The following CDK6 variants were observed in gnomAD, a reference collection of about 807,000 sequenced individuals.
The protein encoded by CDK6 is cyclin dependent kinase 6, also known as cyclin-dependent kinase 6.
CDK6 carries 6 observed loss-of-function variants against 37.1 expected under a neutral mutation model. The observed-to-expected ratio is 0.16, with a 90% confidence interval of 0.09 to 0.32. The LOEUF is 0.32. Ranked by LOEUF, CDK6 falls within the 10% of genes least tolerant of loss-of-function variation. The pLI is 1.00. For missense variants in CDK6, 224 were observed against 418.9 expected, an observed-to-expected ratio of 0.53 and a Z score of 4.06; for synonymous variants, 160 against 161.3, an observed-to-expected ratio of 0.99 and a Z score of 0.06.
intron 3 of CDK6, among the ~76,000 whole-genome samples, chr7:92,773,283 G>C (rs1011258988): frequency 1.3e-5 from 2 of 152,318 alleles, no homozygotes; most frequent in African/African-American, 4.8e-5. Flanking sequence ...CTAGCTATAA[G>C]AGTTGATCAA....
intron 3 of CDK6, among the ~76,000 whole-genome samples, chr7:92,761,024 C>G (rs1799442558): frequency 6.6e-6 from 1 of 151,990 alleles, no homozygotes; most frequent in Non-Finnish European, 1.5e-5. Flanking sequence ...CATATCTAAA[C>G]TGGGTAATCT....
rs1210509653 is a variant in CDK6 at position 92,657,881 on chromosome 7, A to AT, written c.647+13544dup. On this transcript the variant is annotated intron_variant, in intron 5 of 7. Coordinates refer to ENST00000424848, the MANE Select transcript of CDK6 (RefSeq NM_001145306.2). Reference sequence around the variant, plus strand: ...AGGAGCACATCACTATGCCCAGATGATTTTTTTAAATTTTATTTTTCGTAC... The same window carrying AT: ...AGGAGCACATCACTATGCCCAGATGATTTTTTTTAAATTTTATTTTTCGTAC... 2.0e-5 allele frequency among the ~76,000 whole-genome samples: 3 copies of AT among 151,984 alleles called. 1 individual carries two copies. The South Asian group carries it at 6.2e-4, about 32-fold the overall frequency.
In CDK6 at chr7:92,698,427, G is replaced by A. The variant is rs1166140668; in HGVS notation, c.538-26892C>T. On this transcript the variant is annotated intron_variant, in intron 4 of 7. Coordinates refer to ENST00000424848, the MANE Select transcript of CDK6 (RefSeq NM_001145306.2). ...GTTAGCTGGAAAATTCCTGATATAT[G>A]CTGTAATTTTTTGTGCTTTTTTTTC... 2.6e-5 allele frequency among the ~76,000 whole-genome samples: 4 copies of A among 152,220 alleles called. No homozygotes were observed. In the East Asian group the frequency reaches 7.7e-4, roughly 29 times the overall value.
Position 92,608,219 on chromosome 7 carries a change from A to T in CDK6, c.*6921T>A, listed in dbSNP as rs42033. 0.16 allele frequency: 37,724 copies of T among 232,022 alleles called. 3,590 individuals carry two copies. Among genetic ancestry groups the T allele is most frequent in the Non-Finnish European group, 0.21 (24,748 of 117,380 alleles). The allele number at this position is 232,022 out of a possible 1,614,324, so 14.4% of individuals were successfully genotyped here. On this transcript the variant is annotated 3_prime_UTR_variant, in exon 8 of 8. Transcript: ENST00000424848. The stretch of plus-strand genomic sequence containing the variant: ...TATGTAGTTATATGCCCCCTTTGAG[A>T]AAAACCTACATTTGACAATCCAAAC...
In CDK6 at chr7:92,771,538, T is replaced by G. The variant is rs527889107; in HGVS notation, c.369+3158A>C. ...ATACATAAGTAGTCTGTTCTTGACT[T>G]GAAAATACCCCTAAACTACTTAAAT... On this transcript the variant is annotated intron_variant, in intron 3 of 7. Transcript: ENST00000424848. Among the ~76,000 whole-genome samples the G allele has an allele frequency of 2.0e-5, 3 of 152,294 alleles. No homozygotes were observed. The South Asian group carries it at 6.2e-4, about 32-fold the overall frequency.
chr7:92,790,757 A>G (rs1800261301), intron 2 of CDK6, among the ~76,000 whole-genome samples: 1 of 152,158 alleles, frequency 6.6e-6, no homozygotes, highest in Admixed American at 6.6e-5. Context: ...GAAATGATAA[A>G]AGAAGCAACC....
At chr7:92,744,658 CA>C (rs1452702939) in intron 3 of CDK6, among the ~76,000 whole-genome samples, 1 of 152,168 alleles carries the variant, frequency 6.6e-6, no homozygotes, top group East Asian at 1.9e-4. Context: ...AGGTAATATG[CA>C]TGTGTGTAAC....
At chr7:92,626,593 T>C (rs1795933090) in intron 5 of CDK6, among the ~76,000 whole-genome samples, 1 of 152,096 alleles carries the variant, frequency 6.6e-6, no homozygotes, top group East Asian at 1.9e-4. Flanking sequence ...AGGGGTTTAC[T>C]GAGTCAATAA....
intron 2 of CDK6, among the ~76,000 whole-genome samples, chr7:92,776,185 T>C (rs1799848912): frequency 6.6e-6 from 1 of 152,142 alleles, no homozygotes; most frequent in African/African-American, 2.4e-5. Context: ...CTGTGTTAGT[T>C]TGCTGAGAAT....
At chr7:92,728,019 A>G (rs1050615152) in intron 3 of CDK6, among the ~76,000 whole-genome samples, 1 of 152,266 alleles carries the variant, frequency 6.6e-6, no homozygotes, top group Admixed American at 6.5e-5. Context: ...CATTTAAAAC[A>G]GTATAAAGAA....
chr7:92,771,315 A>C (rs574570021), intron 3 of CDK6, among the ~76,000 whole-genome samples: 2 of 151,200 alleles, frequency 1.3e-5, no homozygotes, highest in Admixed American at 1.3e-4. Context: ...AATAAAAATA[A>C]AATATCTTAG....
intron 3 of CDK6, among the ~76,000 whole-genome samples, chr7:92,746,761 T>C (rs1476287841): frequency 1.3e-5 from 2 of 152,210 alleles, no homozygotes; most frequent in Non-Finnish European, 2.9e-5. Flanking sequence ...TAAAACTTTT[T>C]ATTTTTTTTG....
At chr7:92,827,396 G>A (rs1049350648) in intron 2 of CDK6, among the ~76,000 whole-genome samples, 1 of 152,106 alleles carries the variant, frequency 6.6e-6, no homozygotes, top group Non-Finnish European at 1.5e-5. Flanking sequence ...TAATAATCCT[G>A]ACTCAAATGG....
chr7:92,761,550 A>C (rs960214330), intron 3 of CDK6, among the ~76,000 whole-genome samples: 3 of 152,072 alleles, frequency 2.0e-5, no homozygotes, highest in Non-Finnish European at 2.9e-5. Context: ...CTCCATTCCT[A>C]ATTTTCTGTT....
intron 3 of CDK6, among the ~76,000 whole-genome samples, chr7:92,727,646 G>A (rs1023367296): frequency 6.6e-6 from 1 of 152,038 alleles, no homozygotes; most frequent in African/African-American, 2.4e-5. Flanking sequence ...CTACAAGGTC[G>A]GTGTGAACAA....
rs745358657 is a variant in CDK6, at chr7:92,615,268, G to C, written c.853C>G (p.Pro285Ala). The change falls in exon 8 of 8, where the codon CCA becomes GCA. Residue 285 changes from proline to alanine, a missense_variant. Physicochemically the swap from Pro to Ala is conservative, Grantham distance 27. Coordinates refer to ENST00000424848, the MANE Select transcript of CDK6 (RefSeq NM_001145306.2). ...CTGTAGGCAGATATTCTTTTGGCTGGGTTAAATGTCAAACACTTCTGTAAT... is the reference window on the plus strand; with the variant it reads ...CTGTAGGCAGATATTCTTTTGGCTGCGTTAAATGTCAAACACTTCTGTAAT... ...DLLLKCLTFN[P>A]AKRISAYSAL... is the part of the protein sequence containing the mutation. 1.2e-6 allele frequency: 2 copies of C among 1,613,708 alleles called. No homozygotes were observed. The highest frequency in any genetic ancestry group is 1.7e-6 in the Non-Finnish European group (2 of 1,179,688).
intron 2 of CDK6, among the ~76,000 whole-genome samples, chr7:92,821,650 T>A (rs1158673561): frequency 6.6e-6 from 1 of 151,958 alleles, no homozygotes; most frequent in Non-Finnish European, 1.5e-5. Context: ...TATTACTCAC[T>A]CCCTCTCTTC....
intron 5 of CDK6, among the ~76,000 whole-genome samples, chr7:92,635,265 C>T (rs2116521645): frequency 6.6e-6 from 1 of 152,272 alleles, no homozygotes; most frequent in South Asian, 2.1e-4. Flanking sequence ...GTTTCCAGAT[C>T]AGGGCAGTGT....
chr7:92,713,667 T>TAAA (rs535072218), intron 4 of CDK6, among the ~76,000 whole-genome samples: 12 of 67,198 alleles, frequency 1.8e-4, no homozygotes, highest in Non-Finnish European at 2.3e-4. Context: ...TTAAAAAAAG[T>TAAA]AAAAAAAAAA....
Sources: gnomAD v4.1 joint callset for allele counts (sites outside exome capture counted in the v4.1 genomes callset) on GRCh38, gnomAD v4.1.1 for gene constraint, MANE v1.5 for transcripts, NCBI Gene and HGNC (gene_info 2026-07-23, HGNC 2026-07-21) for gene names.